The following RAPGEF4 variants were observed in gnomAD, a reference collection of about 807,000 sequenced individuals.
RAPGEF4 encodes RAP guanine-nucleotide-exchange factor (GEF) 4.
RAPGEF4 carries 66 observed loss-of-function variants against 147.9 expected under a neutral mutation model. The observed-to-expected ratio is 0.45, with a 90% CI of 0.37 to 0.55. The LOEUF is 0.55. Ranked by LOEUF, RAPGEF4 falls within the 20% of genes least tolerant of loss-of-function variation. The pLI, the probability that RAPGEF4 is intolerant of heterozygous loss-of-function variation, is 0.00. For synonymous variants in RAPGEF4, 419 were observed against 442.7 expected (o/e 0.95, Z 0.67); for missense variants, 1,071 against 1,257.3 (o/e 0.85, Z 2.24).
intron 6 of RAPGEF4, among the ~76,000 whole-genome samples, chr2:172,923,604 T>C (rs931420037): frequency 6.6e-6 from 1 of 152,304 alleles, no homozygotes; most frequent in South Asian, 2.1e-4. Flanking sequence ...TCACTTCAAA[T>C]GTTACACCAA....
Position 173,051,758 on chromosome 2 carries a change from T to C in RAPGEF4, c.3027T>C (p.Arg1009=). ...AGATGTCACACAGATTAGAGCCTCG[T>C]CGACCATAGACATTTCAAATGCCCA... is the stretch of plus-strand genomic sequence containing the variant. ...LSQMSHRLEP[R]RP Residue 1009 remains arginine (R), a synonymous_variant, in exon 31 of 31, where the codon CGT becomes CGC. Transcript: ENST00000397081. 6.2e-7 allele frequency: 1 copy of C among 1,613,928 alleles called. No individual in the cohort carries two copies. The highest frequency in any genetic ancestry group is 8.5e-7 in the Non-Finnish European group (1 of 1,179,856).
chr2:173,035,611 A>G (rs1683892403), intron 27 of RAPGEF4, among the ~76,000 whole-genome samples: 1 of 152,052 alleles, frequency 6.6e-6, no homozygotes, highest in South Asian at 2.1e-4. Flanking sequence ...CTTGGCCTCC[A>G]AAAGTGCTGG....
At chr2:173,045,418 C>T (rs1013176772) in intron 29 of RAPGEF4, among the ~76,000 whole-genome samples, 3 of 152,184 alleles carry the variant, frequency 2.0e-5, no homozygotes, top group Non-Finnish European at 2.9e-5. Context: ...ATACTAGAGA[C>T]GGTTTGGAAG....
intron 4 of RAPGEF4, among the ~76,000 whole-genome samples, chr2:172,826,053 A>C (rs1414990946): frequency 6.6e-6 from 1 of 152,168 alleles, no homozygotes. Context: ...GGATATTTGC[A>C]CCATGATCTA....
At chr2:172,745,649 A>G (rs1438620602) in intron 1 of RAPGEF4, among the ~76,000 whole-genome samples, 1 of 151,840 alleles carries the variant, frequency 6.6e-6, no homozygotes, top group Non-Finnish European at 1.5e-5. Context: ...TAGTTGGTTA[A>G]TTTTAACCTT....
At chr2:172,750,212 T>A (rs12620826) in intron 1 of RAPGEF4, among the ~76,000 whole-genome samples, 18,208 of 151,966 alleles carry the variant, frequency 0.12, 1,702 homozygotes, top group East Asian at 0.58. Context: ...ACTCTCCTGG[T>A]ACCAATTTAC....
Position 173,026,700 on chromosome 2 carries a change from A to G in RAPGEF4, c.2379+3A>G, listed in dbSNP as rs772544982. On this transcript the variant is annotated splice_donor_region_variant and intron_variant, in intron 24 of 30. Coordinates refer to ENST00000397081, the MANE Select transcript of RAPGEF4 (RefSeq NM_007023.4). ...AACTCTTCAACTGCGTGCATGAGGTAAGATGCAGGATCAGATGTGTTAGTA... is the reference window on the plus strand; with the variant it reads ...AACTCTTCAACTGCGTGCATGAGGTGAGATGCAGGATCAGATGTGTTAGTA... 4.3e-6 allele frequency: 7 copies of G among 1,613,608 alleles called. No individual in the cohort carries two copies. Among genetic ancestry groups the G allele is most frequent in the Non-Finnish European group, 5.9e-6 (7 of 1,179,840 alleles).
chr2:172,744,395 C>T (rs1694585627), intron 1 of RAPGEF4: 1 of 456,162 alleles, frequency 2.2e-6, no homozygotes, highest in South Asian at 1.6e-5. Context: ...AATGAGATTC[C>T]CAGTGCCTAC....
At chr2:172,785,462 AGCTCAC>A (rs1685109450) in intron 1 of RAPGEF4, among the ~76,000 whole-genome samples, 1 of 152,290 alleles carries the variant, frequency 6.6e-6, no homozygotes, top group African/African-American at 2.4e-5. Flanking sequence ...TAATTGATAA[AGCTCAC>A]ATGCATTATC....
chr2:172,912,355 T>C (rs1683523325), intron 4 of RAPGEF4, among the ~76,000 whole-genome samples: 1 of 152,208 alleles, frequency 6.6e-6, no homozygotes, highest in South Asian at 2.1e-4. Flanking sequence ...CTTTGAACCT[T>C]TTTGTGGTTA....
At chr2:172,760,589 G>T (rs1574732562) in intron 1 of RAPGEF4, among the ~76,000 whole-genome samples, 2 of 152,092 alleles carry the variant, frequency 1.3e-5, no homozygotes, top group Non-Finnish European at 2.9e-5. Context: ...ATGGTGGCGG[G>T]TGCCTGTAGT....
intron 4 of RAPGEF4, among the ~76,000 whole-genome samples, chr2:172,879,425 C>A (rs1003123123): frequency 1.3e-5 from 2 of 152,080 alleles, no homozygotes; most frequent in Non-Finnish European, 2.9e-5. Context: ...ATACTATATA[C>A]CAAACCGTTG....
At chr2:172,814,673 T>C (rs1016325246) in intron 4 of RAPGEF4, 3 of 493,186 alleles carry the variant, frequency 6.1e-6, no homozygotes, top group African/African-American at 5.8e-5. Flanking sequence ...TAATTATTTC[T>C]TGAATGACCA....
chr2:173,036,833 C>G (rs1404038825), intron 29 of RAPGEF4, 141 bp downstream of exon 29: 2 of 554,102 alleles, frequency 3.6e-6, no homozygotes, highest in Non-Finnish European at 6.3e-6. Flanking sequence ...ATATTTGGTT[C>G]AAATTGGCTA....
intron 4 of RAPGEF4, among the ~76,000 whole-genome samples, chr2:172,904,905 A>G (rs561238524): frequency 2.6e-5 from 4 of 151,900 alleles, no homozygotes; most frequent in Admixed American, 6.6e-5. Context: ...TCACCTCTCT[A>G]CTTAGAATGC....
chr2:173,009,599 T>C (rs540184224), intron 17 of RAPGEF4, among the ~76,000 whole-genome samples: 23 of 151,966 alleles, frequency 1.5e-4, no homozygotes, highest in African/African-American at 5.3e-4. Context: ...AAAAAAAAAA[T>C]CTGAAATCCA....
At chr2:172,823,533 G>C (rs922778264) in intron 4 of RAPGEF4, among the ~76,000 whole-genome samples, 1 of 152,166 alleles carries the variant, frequency 6.6e-6, no homozygotes, top group Admixed American at 6.5e-5. Flanking sequence ...GAGGACTGGG[G>C]GATACTGTTA....
At chr2:172,827,621 T>A (rs1477743096) in intron 4 of RAPGEF4, among the ~76,000 whole-genome samples, 1 of 152,162 alleles carries the variant, frequency 6.6e-6, no homozygotes, top group Non-Finnish European at 1.5e-5. Context: ...ATAGTGACAG[T>A]CCTGGCCTTG....
intron 1 of RAPGEF4, among the ~76,000 whole-genome samples, chr2:172,778,979 C>T (rs898126634): frequency 5.3e-5 from 8 of 152,104 alleles, no homozygotes; most frequent in Non-Finnish European, 8.8e-5. Context: ...TGGTAGAGAA[C>T]ATCAAAAATT....
Sources: allele counts gnomAD v4.1 joint callset (sites outside exome capture counted in the v4.1 genomes callset), GRCh38; gene constraint gnomAD v4.1.1; transcripts MANE v1.5; gene names NCBI Gene and HGNC (gene_info 2026-07-23, HGNC 2026-07-21).